Variants in ANKRD17 observed in about 807,000 individuals in gnomAD.
The protein encoded by ANKRD17 is ankyrin repeat domain-containing protein 17.
In ANKRD17, 19 loss-of-function variants were observed where a neutral mutation model predicts 229.7. The observed-to-expected ratio is 0.08, with a 90% CI of 0.06 to 0.12. The LOEUF (loss-of-function observed/expected upper bound fraction) is 0.12. Among genes scored for constraint, ANKRD17 ranks in the 10% least tolerant of loss-of-function variants. The pLI, the probability that ANKRD17 is intolerant of heterozygous loss-of-function variation, is 1.00. For synonymous variants in ANKRD17, 1,112 were observed against 1,146.1 expected (o/e 0.97, Z 0.60); for missense variants, 2,176 against 3,176.8 (o/e 0.68, Z 7.57).
chr4:73,076,373 G>C, intron 33 of ANKRD17, 83 bp from the exon 34 acceptor site: 1 of 1,089,756 alleles, frequency 9.2e-7, no homozygotes, highest in Admixed American at 3.5e-5. Context: ...AACTAAGGAG[G>C]TACTCTTCAA....
At chr4:73,179,518 A>ATATATATATATATAT (rs1192164276) in intron 1 of ANKRD17, among the ~76,000 whole-genome samples, 1 of 40,788 alleles carries the variant, frequency 2.5e-5, no homozygotes, top group African/African-American at 9.2e-5. Context: ...ATATATATAT[A>ATATATATATATATAT]TTTTTTTTTT....
chr4:73,248,095 T>A (rs1262275624), intron 1 of ANKRD17, among the ~76,000 whole-genome samples: 1 of 152,000 alleles, frequency 6.6e-6, no homozygotes, highest in Non-Finnish European at 1.5e-5. Context: ...TCCACCTGCA[T>A]CAATCACAAG....
chr4:73,215,883 T>C (rs1208655683), intron 1 of ANKRD17, among the ~76,000 whole-genome samples: 2 of 152,166 alleles, frequency 1.3e-5, no homozygotes, highest in African/African-American at 4.8e-5. Context: ...TTCGACCAAA[T>C]AATGTATCAC....
chr4:73,226,152 T>G (rs961362923), intron 1 of ANKRD17, among the ~76,000 whole-genome samples: 1 of 151,310 alleles, frequency 6.6e-6, no homozygotes, highest in African/African-American at 2.4e-5. Context: ...ACTTTTAGTA[T>G]TTTTAGTAGA....
chr4:73,131,419 A>G (rs1728183341), intron 16 of ANKRD17, among the ~76,000 whole-genome samples: 1 of 152,238 alleles, frequency 6.6e-6, no homozygotes, highest in African/African-American at 2.4e-5. Flanking sequence ...GCATTTTAAA[A>G]GGAGTTATAC....
Position 73,140,233 on chromosome 4 carries a change from C to T in ANKRD17, c.2383G>A (p.Val795Ile). 1.9e-6 allele frequency: 3 copies of T among 1,605,094 alleles called. No individual in the cohort carries two copies. Among genetic ancestry groups the T allele is most frequent in the Non-Finnish European group, 1.7e-6 (2 of 1,177,848 alleles). ...GACTGATTGGTGATGTAACCCTGTACATCCTGGCTGTTTGCTGGCAAATGG... is the reference window on the plus strand; with the variant it reads ...GACTGATTGGTGATGTAACCCTGTATATCCTGGCTGTTTGCTGGCAAATGG... ...SSHLPANSQD[V>I]QGYITNQSPE... Residue 795 changes from valine (V) to isoleucine (I), a missense_variant, in exon 15 of 34, where the codon GTA becomes ATA. Transcript: ENST00000358602.
intron 15 of ANKRD17, 38 bp from the exon 16 acceptor site, chr4:73,135,303 C>A: frequency 1.3e-6 from 2 of 1,584,614 alleles, no homozygotes; most frequent in Non-Finnish European, 8.6e-7. Context: ...AAGGATGAAA[C>A]ATTGTTAAGT....
At chr4:73,192,339 C>T (rs1737232032) in intron 1 of ANKRD17, among the ~76,000 whole-genome samples, 1 of 151,494 alleles carries the variant, frequency 6.6e-6, no homozygotes, top group East Asian at 1.9e-4. Context: ...AAAAAAGCAG[C>T]CTGAAGCAAA....
Position 73,258,351 on chromosome 4 carries a change from A to G in ANKRD17, c.318T>C (p.Gly106=), listed in dbSNP as rs1366407818. 3.1e-6 allele frequency: 5 copies of G among 1,606,098 alleles called. No homozygotes were observed. In the African/African-American group the frequency reaches 4.1e-5, roughly 13 times the overall value. Residue 106 remains glycine, a synonymous_variant, in exon 1 of 34, where the codon GGT becomes GGC. Coordinates refer to ENST00000358602, the MANE Select transcript of ANKRD17 (RefSeq NM_032217.5). Reference sequence around the variant, plus strand: ...TGTTACTGCTGGTGCCGCCGCCGCCACCTCCGCCTCCACCGCCGCCTCCAC... The same window carrying G: ...TGTTACTGCTGGTGCCGCCGCCGCCGCCTCCGCCTCCACCGCCGCCTCCAC... The part of the protein sequence containing the change: ...GGGGGGGGGG[G]GGGGTSSNNS...
intron 1 of ANKRD17, among the ~76,000 whole-genome samples, chr4:73,189,405 T>TC (rs1320957501): frequency 7.2e-6 from 1 of 139,114 alleles, no homozygotes; most frequent in Non-Finnish European, 1.6e-5. Context: ...CCTGGAATGT[T>TC]TTTTTTTTTT....
intron 10 of ANKRD17, among the ~76,000 whole-genome samples, chr4:73,146,233 C>T (rs1730268507): frequency 6.6e-6 from 1 of 152,104 alleles, no homozygotes; most frequent in African/African-American, 2.4e-5. Flanking sequence ...GACTGCTTTA[C>T]CTTCTGATCT....
chr4:73,240,052 T>G (rs1743873684), intron 1 of ANKRD17, among the ~76,000 whole-genome samples: 1 of 152,136 alleles, frequency 6.6e-6, no homozygotes, highest in African/African-American at 2.4e-5. Context: ...AGTGAAACAG[T>G]TCTTCAAAGA....
chr4:73,145,059 T>G (rs1351989766), intron 10 of ANKRD17, among the ~76,000 whole-genome samples: 1 of 152,158 alleles, frequency 6.6e-6, no homozygotes, highest in Non-Finnish European at 1.5e-5. Flanking sequence ...AAGTGAGCAC[T>G]GGAAATAATT....
rs553936723 is a variant in ANKRD17 at position 73,110,260 on chromosome 4, G to A, written c.4401+3532C>T. ...CTTGACCAGATGGAACTACTTCAGA[G>A]CAGGGACTCTTCCACTTAGTAAATG... On this transcript the variant is annotated intron_variant, in intron 24 of 33. Transcript: ENST00000358602. 2.0e-5 allele frequency among the ~76,000 whole-genome samples: 3 copies of A among 152,310 alleles called. No individual in the cohort carries two copies. In the East Asian group the frequency reaches 5.8e-4, roughly 29 times the overall value.
In ANKRD17 at chr4:73,125,037, G is replaced by A; in HGVS notation, c.3368C>T (p.Ala1123Val). The A allele has an allele frequency of 6.2e-7, 1 of 1,614,126 alleles. No individual in the cohort carries two copies. The highest frequency in any genetic ancestry group is 8.5e-7 in the Non-Finnish European group (1 of 1,180,024). ...AACACCAACATGACCAGCTGTGGCA[G>A]CCAAGATGAGTGGAGTAAAACCTGG... ...DKKGFTPLIL[A>V]ATAGHVGVVE... The change falls in exon 18 of 34, where the codon GCT becomes GTT. Residue 1123 changes from alanine (A) to valine (V), a missense_variant. Around this residue, in one of 18 missense-constraint regions of ANKRD17, gnomAD observed 178 missense variants for 421.7 expected, o/e 0.42. Coordinates refer to ENST00000358602, the MANE Select transcript of ANKRD17 (RefSeq NM_032217.5).
chr4:73,135,283 T>C lies in ANKRD17; in HGVS notation c.3086-18A>G. 6.2e-7 allele frequency: 1 copy of C among 1,601,492 alleles called. No individual in the cohort carries two copies. Among genetic ancestry groups the C allele is most frequent in the Non-Finnish European group, 8.5e-7 (1 of 1,172,746 alleles). The stretch of plus-strand genomic sequence containing the variant: ...ACTGACTGCTGTTGAACAAAATAAC[T>C]GCACTTAATAAGGATGAAACATTGT... On this transcript the variant is annotated intron_variant, in intron 15 of 33. Transcript: ENST00000358602.
At chr4:73,242,606 T>C (rs1161510582) in intron 1 of ANKRD17, among the ~76,000 whole-genome samples, 2 of 152,204 alleles carry the variant, frequency 1.3e-5, no homozygotes, top group East Asian at 3.8e-4. Flanking sequence ...TTCTAAAGCA[T>C]GTCTGACATG....
At chr4:73,095,326 C>G (rs186988308) in intron 27 of ANKRD17, among the ~76,000 whole-genome samples, 4 of 150,082 alleles carry the variant, frequency 2.7e-5, no homozygotes, top group African/African-American at 9.8e-5. Context: ...TGAGGCCGGG[C>G]ACGGTGGCTC....
At chr4:73,242,829 T>C (rs930605762) in intron 1 of ANKRD17, among the ~76,000 whole-genome samples, 3 of 152,196 alleles carry the variant, frequency 2.0e-5, no homozygotes, top group African/African-American at 7.2e-5. Flanking sequence ...TCTTTCCACG[T>C]AGTAAGAAAC....
Sources: gnomAD v4.1 joint callset for allele counts (sites outside exome capture counted in the v4.1 genomes callset) on GRCh38, gnomAD v4.1.1 for gene constraint, gnomAD v4.1.1 regional missense constraint, MANE v1.5 for transcripts, NCBI Gene and HGNC (gene_info 2026-07-23, HGNC 2026-07-21) for gene names.